The following CPEB3 variants were observed in gnomAD, a reference collection of about 807,000 sequenced individuals.
CPEB3 encodes cytoplasmic polyadenylation element-binding protein 3.
A neutral mutation model predicts 67.2 loss-of-function variants in CPEB3; 20 were observed. The observed-to-expected ratio is 0.30, with a 90% CI of 0.21 to 0.43. The LOEUF (loss-of-function observed/expected upper bound fraction) is 0.43. Ranked by LOEUF, CPEB3 falls within the 20% of genes least tolerant of loss-of-function variation. CPEB3 has a pLI of 1.00. For missense variants in CPEB3, 746 were observed against 968.6 expected, an observed-to-expected ratio of 0.77 and a Z score of 3.05; for synonymous variants, 376 against 393.1, an observed-to-expected ratio of 0.96 and a Z score of 0.51.
At chr10:92,165,833 C>T (rs936900757) in intron 4 of CPEB3, among the ~76,000 whole-genome samples, 4 of 152,156 alleles carry the variant, frequency 2.6e-5, no homozygotes, top group African/African-American at 9.7e-5. Context: ...TTGGTCACAT[C>T]TTTAGACTCC....
At chr10:92,252,718 C>G (rs1246510017) in intron 1 of CPEB3, among the ~76,000 whole-genome samples, 3 of 151,834 alleles carry the variant, frequency 2.0e-5, no homozygotes, top group Non-Finnish European at 4.4e-5. Flanking sequence ...GAGGGTTTTG[C>G]CGTGTTGCCC....
chr10:92,080,202 G>A (rs1163522426), intron 9 of CPEB3, among the ~76,000 whole-genome samples: 10 of 142,868 alleles, frequency 7.0e-5, no homozygotes, highest in East Asian at 2.1e-4. Context: ...GCAAGACTCC[G>A]TCTCAAAAAA....
intron 2 of CPEB3, among the ~76,000 whole-genome samples, chr10:92,220,685 G>T (rs1410037071): frequency 6.6e-6 from 1 of 151,986 alleles, no homozygotes; most frequent in Non-Finnish European, 1.5e-5. Context: ...TTTAGAGCTG[G>T]CAAAAGTCTA....
intron 1 of CPEB3, among the ~76,000 whole-genome samples, chr10:92,286,466 T>C (rs769579613): frequency 1.6e-4 from 24 of 151,474 alleles, no homozygotes; most frequent in Non-Finnish European, 2.9e-4. Context: ...ATGCCTGTGA[T>C]CCCACCTACT....
intron 2 of CPEB3, among the ~76,000 whole-genome samples, chr10:92,211,595 G>C (rs180789098): frequency 1.3e-5 from 2 of 149,884 alleles, no homozygotes; most frequent in Non-Finnish European, 3.0e-5. Context: ...GGCGTGCAGT[G>C]GCGCGATCTT....
intron 9 of CPEB3, among the ~76,000 whole-genome samples, chr10:92,074,280 A>G (rs1008611558): frequency 2.6e-5 from 4 of 152,086 alleles, no homozygotes; most frequent in African/African-American, 9.7e-5. Flanking sequence ...TTCATTCACT[A>G]TAATAACTCA....
At chr10:92,182,779 T>C (rs1052752632) in intron 3 of CPEB3, among the ~76,000 whole-genome samples, 5 of 149,684 alleles carry the variant, frequency 3.3e-5, no homozygotes, top group African/African-American at 9.9e-5. Flanking sequence ...TGAGCCGAGA[T>C]TGCGCCACTG....
At chr10:92,178,619 T>C (rs1028142589) in intron 4 of CPEB3, among the ~76,000 whole-genome samples, 4 of 152,058 alleles carry the variant, frequency 2.6e-5, no homozygotes, top group South Asian at 2.1e-4. Flanking sequence ...GGTGGGAGGA[T>C]TGCTTGCAGC....
At chr10:92,175,772 T>G (rs1381356230) in intron 4 of CPEB3, among the ~76,000 whole-genome samples, 1 of 152,160 alleles carries the variant, frequency 6.6e-6, no homozygotes, top group Admixed American at 6.5e-5. Context: ...AGGTGTGCTG[T>G]CTTCAATTCC....
At chr10:92,275,935 G>A (rs560256397) in intron 1 of CPEB3, among the ~76,000 whole-genome samples, 4 of 141,056 alleles carry the variant, frequency 2.8e-5, no homozygotes, top group South Asian at 4.7e-4. Flanking sequence ...TGCAAGCTCC[G>A]CCTCCTGGGT....
chr10:92,164,129 G>A (rs1027036725), intron 4 of CPEB3, among the ~76,000 whole-genome samples: 11 of 152,074 alleles, frequency 7.2e-5, no homozygotes, highest in African/African-American at 2.7e-4. Flanking sequence ...CATGTTCCAG[G>A]CATATGCTAA....
chr10:92,264,750 A>G (rs566943976), intron 1 of CPEB3, among the ~76,000 whole-genome samples: 1 of 152,120 alleles, frequency 6.6e-6, no homozygotes, highest in African/African-American at 2.4e-5. Context: ...GACTGAAGGA[A>G]TATAAAAACA....
chr10:92,062,094 T>C (rs1842377506), intron 9 of CPEB3, among the ~76,000 whole-genome samples: 1 of 151,764 alleles, frequency 6.6e-6, no homozygotes, highest in African/African-American at 2.4e-5. Context: ...ATACAAAAAT[T>C]AGCCAGGTGT....
At chr10:92,262,953 A>G (rs1852872661) in intron 1 of CPEB3, among the ~76,000 whole-genome samples, 1 of 152,046 alleles carries the variant, frequency 6.6e-6, no homozygotes, top group South Asian at 2.1e-4. Context: ...TTTTGTTTGT[A>G]GAGACGAGGT....
At chr10:92,251,053 C>T (rs1463501673) in intron 1 of CPEB3, among the ~76,000 whole-genome samples, 2 of 151,884 alleles carry the variant, frequency 1.3e-5, no homozygotes, top group Admixed American at 6.6e-5. Flanking sequence ...TTACTGTACC[C>T]TTCTGAAGTT....
Position 92,047,294 on chromosome 10 carries a change from C to T in CPEB3, c.*4918G>A, listed in dbSNP as rs1405689278. ...AAAAAAACAAATGTTAGCTGACATACCATACAAGCTAGTGAAAAGCAACAA... is the reference window on the plus strand; with the variant it reads ...AAAAAAACAAATGTTAGCTGACATATCATACAAGCTAGTGAAAAGCAACAA... On this transcript the variant is annotated 3_prime_UTR_variant, in exon 10 of 10. Transcript: ENST00000265997. 1.3e-5 allele frequency: 2 copies of T among 151,560 alleles called. No individual in the cohort carries two copies. Among genetic ancestry groups the T allele is most frequent in the Admixed American group, 6.6e-5 (1 of 15,196 alleles). 9.4% of individuals were successfully genotyped at this position (151,560 alleles called of 1,614,324 possible). A position where few individuals can be genotyped will look rare whatever the true frequency, so the allele number is the denominator to read the frequency against.
At chr10:92,215,586 C>T (rs1394341841) in intron 2 of CPEB3, among the ~76,000 whole-genome samples, 1 of 149,776 alleles carries the variant, frequency 6.7e-6, no homozygotes, top group Non-Finnish European at 1.5e-5. Context: ...GGATTACAGG[C>T]GCCCACCACT....
chr10:92,285,397 A>G (rs1463209948), intron 1 of CPEB3, among the ~76,000 whole-genome samples: 1 of 152,084 alleles, frequency 6.6e-6, no homozygotes, highest in Non-Finnish European at 1.5e-5. Context: ...CAGCCTCCCG[A>G]GTAGCTGGGA....
chr10:92,142,859 GA>G (rs778566409), intron 6 of CPEB3, among the ~76,000 whole-genome samples, 169 bp downstream of exon 6: 4 of 152,198 alleles, frequency 2.6e-5, no homozygotes, highest in Non-Finnish European at 5.9e-5. Context: ...TTCAGGGGAA[GA>G]GTCTCTAAGT....
Sources: gnomAD v4.1 joint callset for allele counts (sites outside exome capture counted in the v4.1 genomes callset) on GRCh38, gnomAD v4.1.1 for gene constraint, MANE v1.5 for transcripts, NCBI Gene and HGNC (gene_info 2026-07-23, HGNC 2026-07-21) for gene names.